ANKRD6: variants seen among roughly 807,000 people sequenced by gnomAD.
ANKRD6 encodes the protein ankyrin repeat domain-containing protein 6.
A neutral mutation model predicts 82.3 loss-of-function variants in ANKRD6; 56 were observed. That is an observed-to-expected ratio of 0.68 (90% CI 0.55 to 0.85). The LOEUF (loss-of-function observed/expected upper bound fraction) is 0.85. ANKRD6 is among the 40% of genes least tolerant of loss of function. The pLI is 0.00. For synonymous variants in ANKRD6, 347 were observed against 352.1 expected, an observed-to-expected ratio of 0.99 and a Z score of 0.16; for missense variants, 852 against 907.6, an observed-to-expected ratio of 0.94 and a Z score of 0.79.
Position 89,627,604 on chromosome 6 carries a change from A to ATCTT in ANKRD6, c.1394_1395insCTTT (p.Met465IlefsTer4). The ATCTT allele has an allele frequency of 6.2e-7, 1 of 1,610,890 alleles. No homozygotes were observed. Among genetic ancestry groups the ATCTT allele is most frequent in the Non-Finnish European group, 8.5e-7 (1 of 1,178,212 alleles). On this transcript the variant is annotated frameshift_variant, in exon 14 of 16. Coordinates refer to ENST00000339746, the MANE Select transcript of ANKRD6 (RefSeq NM_001242809.2). LOFTEE classifies it high-confidence loss of function. ...CTAGATGCGTGTTTTGGACAAGCTG[A>ATCTT]TGGTTGAGCGACTTTCTGCAGAGAG... is the stretch of plus-strand genomic sequence containing the variant.
intron 1 of ANKRD6, among the ~76,000 whole-genome samples, chr6:89,519,849 G>A (rs1414486971): frequency 1.3e-5 from 2 of 152,162 alleles, no homozygotes; most frequent in East Asian, 3.9e-4. Context: ...AAAGAAAATA[G>A]TAGAATGCAT....
chr6:89,567,030 G>A lies in ANKRD6; in HGVS notation c.54G>A (p.Ala18=), dbSNP rs370322590. 20 of 1,607,234 alleles carry A rather than the reference G, an allele frequency of 1.2e-5. No homozygotes were observed. The East Asian group carries it at 2.2e-4, about 18-fold the overall frequency. ...AALSERLLVA[A]YKGQTENVVQ... Reference sequence around the variant, plus strand: ...TTTCAGAGCGCCTTCTCGTAGCTGCGTACAAAGGCCAAACAGAGAATGTGG... The same window carrying A: ...TTTCAGAGCGCCTTCTCGTAGCTGCATACAAAGGCCAAACAGAGAATGTGG... Residue 18 remains alanine (A), a synonymous_variant, in exon 2 of 16, where the codon GCG becomes GCA. Transcript: ENST00000339746.
chr6:89,496,258 G>C (rs192238898), intron 1 of ANKRD6, among the ~76,000 whole-genome samples: 1 of 151,574 alleles, frequency 6.6e-6, no homozygotes. Flanking sequence ...ACAGAATTCT[G>C]CCTGTGAAGG....
intron 1 of ANKRD6, among the ~76,000 whole-genome samples, chr6:89,505,347 G>A (rs2127911308): frequency 6.6e-6 from 1 of 152,320 alleles, no homozygotes; most frequent in East Asian, 1.9e-4. Context: ...TTGTGAATAA[G>A]TAAGGGATCA....
intron 1 of ANKRD6, among the ~76,000 whole-genome samples, chr6:89,547,166 T>C (rs1259510711): frequency 1.4e-5 from 2 of 145,230 alleles, no homozygotes; most frequent in Non-Finnish European, 3.0e-5. Context: ...GGGCCATTGC[T>C]AAGAACGGTA....
At chr6:89,539,259 T>C (rs565299762) in intron 1 of ANKRD6, among the ~76,000 whole-genome samples, 106 of 152,284 alleles carry the variant, frequency 7.0e-4, no homozygotes, top group Admixed American at 5.9e-4. Context: ...TAATTATGGA[T>C]TTAAAAATTA....
chr6:89,537,841 G>A (rs574235299), intron 1 of ANKRD6, among the ~76,000 whole-genome samples: 4 of 141,186 alleles, frequency 2.8e-5, no homozygotes, highest in East Asian at 2.0e-4. Flanking sequence ...GGTTACAAAC[G>A]TGAGCTGTGG....
Position 89,482,737 on chromosome 6 carries a change from T to C in ANKRD6, c.-144+49362T>C, listed in dbSNP as rs144272171. On this transcript the variant is annotated intron_variant, in intron 1 of 15. Transcript: ENST00000339746. ...TTTGGAACCCCCAGAATAAATCTAC[T>C]CTTTGTATCCTTCATGTATTGAGGA... Among the ~76,000 whole-genome samples the C allele has an allele frequency of 1.3e-4, 20 of 152,298 alleles. 1 individual carries two copies. In the East Asian group the frequency reaches 2.3e-3, roughly 18 times the overall value.
At chr6:89,593,612 G>A (rs562879284) in intron 2 of ANKRD6, among the ~76,000 whole-genome samples, 1 of 152,116 alleles carries the variant, frequency 6.6e-6, no homozygotes, top group African/African-American at 2.4e-5. Context: ...TGTTATCTCT[G>A]TTTTCCTCCA....
At chr6:89,448,345 G>C (rs1772358998) in intron 1 of ANKRD6, among the ~76,000 whole-genome samples, 1 of 151,428 alleles carries the variant, frequency 6.6e-6, no homozygotes, top group South Asian at 2.1e-4. Context: ...GAGGTAGGAA[G>C]ATCACCTGAG....
intron 2 of ANKRD6, chr6:89,568,257 T>C (rs2128077304): frequency 6.6e-6 from 1 of 152,356 alleles, no homozygotes; most frequent in South Asian, 2.1e-4. Context: ...ATTTTAACTC[T>C]GCTTTGTTTG....
chr6:89,550,715 G>A (rs1303928185), intron 1 of ANKRD6, among the ~76,000 whole-genome samples: 1 of 152,104 alleles, frequency 6.6e-6, no homozygotes, highest in East Asian at 1.9e-4. Flanking sequence ...CAGCACTTTG[G>A]GAGGCCGAGG....
At chr6:89,491,737 T>C (rs1469342684) in intron 1 of ANKRD6, among the ~76,000 whole-genome samples, 1 of 151,848 alleles carries the variant, frequency 6.6e-6, no homozygotes, top group African/African-American at 2.4e-5. Context: ...TGTATACATA[T>C]GTAACAAACC....
At chr6:89,471,142 G>A (rs1030506063) in intron 1 of ANKRD6, among the ~76,000 whole-genome samples, 12 of 152,022 alleles carry the variant, frequency 7.9e-5, no homozygotes, top group Non-Finnish European at 1.6e-4. Flanking sequence ...CTTGAGATCA[G>A]GAGTTCGAGA....
At chr6:89,605,051 A>T (rs1798180712) in intron 4 of ANKRD6, among the ~76,000 whole-genome samples, 1 of 150,754 alleles carries the variant, frequency 6.6e-6, no homozygotes, top group Admixed American at 6.6e-5. Flanking sequence ...ATAGTAAGCT[A>T]AGCAAATACG....
At chr6:89,437,156 G>T (rs557771801) in intron 1 of ANKRD6, among the ~76,000 whole-genome samples, 10 of 152,178 alleles carry the variant, frequency 6.6e-5, no homozygotes, top group African/African-American at 1.2e-4. Context: ...AGTCAAAAAA[G>T]GTTAGTAAGC....
intron 1 of ANKRD6, among the ~76,000 whole-genome samples, chr6:89,565,690 G>A (rs1788357494): frequency 6.6e-6 from 1 of 152,230 alleles, no homozygotes; most frequent in African/African-American, 2.4e-5. Flanking sequence ...GGACATTTGG[G>A]TGTGCCTGGG....
In ANKRD6 at chr6:89,566,861, C is replaced by T; in HGVS notation, c.-116C>T. 2.2e-6 allele frequency: 3 copies of T among 1,392,562 alleles called. No individual in the cohort carries two copies. The highest frequency in any genetic ancestry group is 2.9e-6 in the Non-Finnish European group (3 of 1,027,132). The allele number at this position is 1,392,562 out of a possible 1,614,324, so 86.3% of individuals were successfully genotyped here. Reference sequence around the variant, plus strand: ...CCCGAAGATGGCATATTCATAAAGACATCTTCTGATGATTGTGAACATCTT... The same window carrying T: ...CCCGAAGATGGCATATTCATAAAGATATCTTCTGATGATTGTGAACATCTT... On this transcript the variant is annotated 5_prime_UTR_variant, in exon 2 of 16. Coordinates refer to ENST00000339746, the MANE Select transcript of ANKRD6 (RefSeq NM_001242809.2).
chr6:89,558,494 C>T (rs969095104), intron 1 of ANKRD6, among the ~76,000 whole-genome samples: 1 of 151,986 alleles, frequency 6.6e-6, no homozygotes, highest in Admixed American at 6.6e-5. Context: ...CTGTATGATT[C>T]CAGCCACACA....
Sources: gnomAD v4.1 joint callset for allele counts (sites outside exome capture counted in the v4.1 genomes callset) on GRCh38, gnomAD v4.1.1 for gene constraint, MANE v1.5 for transcripts, NCBI Gene and HGNC (gene_info 2026-07-23, HGNC 2026-07-21) for gene names.